Variants in KIF3B observed in about 807,000 individuals in gnomAD.
KIF3B encodes kinesin-like protein KIF3B.
Under a neutral mutation model 74.3 loss-of-function variants are expected in KIF3B, and 38 were observed. That is an observed-to-expected ratio of 0.51 (90% confidence interval 0.39 to 0.67). The LOEUF is 0.67. KIF3B is among the 30% of genes least tolerant of loss of function. KIF3B has a pLI of 0.00. For synonymous variants in KIF3B, 326 were observed against 342.5 expected, an observed-to-expected ratio of 0.95 and a Z score of 0.53; for missense variants, 649 against 932.0, an observed-to-expected ratio of 0.70 and a Z score of 3.95.
rs201454349 is a variant in KIF3B at position 32,299,370 on chromosome 20, G to GGT, written c.-65-10334_-65-10333dup. ...TCCTTATAACTTGTAACTACTGAAT[G>GGT]GTGTGTGTGTATATATATATATATA... is the stretch of plus-strand genomic sequence containing the variant. On this transcript the variant is annotated intron_variant, in intron 1 of 8. Coordinates refer to ENST00000375712, the MANE Select transcript of KIF3B (RefSeq NM_004798.4). Among the ~76,000 whole-genome samples, 501 of 79,800 alleles carry GGT rather than the reference G, an allele frequency of 6.3e-3. 45 individuals carry two copies. The highest frequency in any genetic ancestry group is 0.021 in the African/African-American group (360 of 17,434). The allele number at this position is 79,800 out of a possible 152,430, so 52.4% of individuals were successfully genotyped here. A position where few individuals can be genotyped will look rare whatever the true frequency, so the allele number is the denominator to read the frequency against.
chr20:32,294,979 A>C (rs1007711770), intron 1 of KIF3B, among the ~76,000 whole-genome samples: 1 of 152,210 alleles, frequency 6.6e-6, no homozygotes, highest in Non-Finnish European at 1.5e-5. Context: ...GCCATAATCT[A>C]ACCACTCCCT....
intron 1 of KIF3B, among the ~76,000 whole-genome samples, chr20:32,286,024 G>A (rs569063755): frequency 2.0e-5 from 3 of 152,150 alleles, no homozygotes; most frequent in African/African-American, 7.2e-5. Flanking sequence ...CTCATAATTT[G>A]CATTAGAGAG....
chr20:32,309,600 T>C, intron 1 of KIF3B, 113 bp from the exon 2 acceptor site: 1 of 652,320 alleles, frequency 1.5e-6, no homozygotes, highest in Non-Finnish European at 2.6e-6. Flanking sequence ...AGTAAAGTTA[T>C]CAGATATGGC....
chr20:32,287,504 T>G (rs1338121346), intron 1 of KIF3B, among the ~76,000 whole-genome samples: 1 of 151,818 alleles, frequency 6.6e-6, no homozygotes, highest in African/African-American at 2.4e-5. Flanking sequence ...AAATTTTTCA[T>G]GGAGGCAGGA....
At chr20:32,326,681 T>C in intron 5 of KIF3B, 90 bp from the exon 6 acceptor site, 1 of 678,500 alleles carries the variant, frequency 1.5e-6, no homozygotes, top group Non-Finnish European at 2.7e-6. Context: ...CCTTGACTCT[T>C]ACCTGATTAC....
intron 1 of KIF3B, among the ~76,000 whole-genome samples, chr20:32,279,467 CTTTT>C (rs769199761): frequency 7.2e-6 from 1 of 139,832 alleles, no homozygotes. Flanking sequence ...TAGTTGGAAT[CTTTT>C]TTTTTTTTTT....
chr20:32,304,618 CTG>C (rs2047760352), intron 1 of KIF3B, among the ~76,000 whole-genome samples: 1 of 152,030 alleles, frequency 6.6e-6, no homozygotes, highest in Admixed American at 6.6e-5. Context: ...TAAAGCAGCT[CTG>C]TATTTACCGA....
chr20:32,290,685 A>C (rs563884382), intron 1 of KIF3B, among the ~76,000 whole-genome samples: 1 of 152,236 alleles, frequency 6.6e-6, no homozygotes, highest in South Asian at 2.1e-4. Context: ...AGCCTGGGCA[A>C]TATAGTGAGA....
Position 32,332,149 on chromosome 20 carries a change from A to C in KIF3B, c.*830A>C, listed in dbSNP as rs2047933712. 6.5e-6 allele frequency: 1 copy of C among 152,706 alleles called. No homozygotes were observed. The allele number at this position is 152,706 out of a possible 1,614,324, so 9.5% of individuals were successfully genotyped here. On this transcript the variant is annotated 3_prime_UTR_variant, in exon 9 of 9. Coordinates refer to ENST00000375712, the MANE Select transcript of KIF3B (RefSeq NM_004798.4). ...TGTCACCATCTTTTCCCATGCACGC[A>C]TACTCTGAACATCCTTGTGTGGGCC...
rs1258243818 is a variant in KIF3B at position 32,310,034 on chromosome 20, A to G, written c.257A>G (p.Gln86Arg). The G allele has an allele frequency of 1.2e-6, 2 of 1,614,184 alleles. No individual in the cohort carries two copies. Among genetic ancestry groups the G allele is most frequent in the South Asian group, 2.2e-5 (2 of 91,080 alleles). The change falls in exon 2 of 9, where the codon CAA becomes CGA. Residue 86 changes from glutamine to arginine, a missense_variant. Coordinates refer to ENST00000375712, the MANE Select transcript of KIF3B (RefSeq NM_004798.4). This position sits in a 1 kb window ranked among gnomAD's most constrained non-coding sequence, Gnocchi z 6.5. ...TFRPLVDSVL[Q>R]GFNGTIFAYG... is the part of the protein sequence containing the mutation. ...CGACCACTTGTTGACTCTGTCCTGC[A>G]AGGTTTCAATGGAACCATTTTTGCC...
rs1446937184 is a variant in KIF3B at position 32,331,328 on chromosome 20, TCTC to T, written c.*13_*15del. ...GGCTGGTTCCAAAGTAAAGCCAGCTTCTCCTCTCCCAGGGCGGAAACAGCATTT... is the reference window on the plus strand; with the variant it reads ...GGCTGGTTCCAAAGTAAAGCCAGCTTCTCTCCCAGGGCGGAAACAGCATTT... On this transcript the variant is annotated 3_prime_UTR_variant, in exon 9 of 9. Transcript: ENST00000375712. 6.3e-7 allele frequency: 1 copy of T among 1,598,782 alleles called. No individual in the cohort carries two copies. Among genetic ancestry groups the T allele is most frequent in the East Asian group, 2.2e-5 (1 of 44,674 alleles).
intron 1 of KIF3B, among the ~76,000 whole-genome samples, chr20:32,289,865 C>T (rs79391303): frequency 6.6e-6 from 1 of 152,122 alleles, no homozygotes; most frequent in Non-Finnish European, 1.5e-5. Flanking sequence ...GACCTGGTTT[C>T]AGCTTGCTTT....
chr20:32,324,246 C>A (rs1244244126), intron 5 of KIF3B, among the ~76,000 whole-genome samples: 12 of 152,096 alleles, frequency 7.9e-5, no homozygotes, highest in African/African-American at 2.9e-4. Context: ...GGGTTCCCAA[C>A]CTTGGCTACA....
At chr20:32,291,226 A>G (rs1176699663) in intron 1 of KIF3B, among the ~76,000 whole-genome samples, 12 of 152,192 alleles carry the variant, frequency 7.9e-5, no homozygotes, top group Admixed American at 7.9e-4. Flanking sequence ...TACACTTAAA[A>G]TGATTAAGAG....
intron 2 of KIF3B, among the ~76,000 whole-genome samples, chr20:32,313,701 A>ATTTTGTTTTG (rs11472947): frequency 9.4e-4 from 142 of 150,744 alleles, no homozygotes; most frequent in Admixed American, 4.1e-3. Context: ...CTGTGCCCAT[A>ATTTTGTTTTG]TTTTGTTTTG....
At chr20:32,285,099 C>CAA (rs11480924) in intron 1 of KIF3B, among the ~76,000 whole-genome samples, 1,699 of 102,402 alleles carry the variant, frequency 0.017, 27 homozygotes, top group East Asian at 0.063. Flanking sequence ...AAATGATGAC[C>CAA]AAAAAAAAAA....
At chr20:32,284,873 A>C (rs375792818) in intron 1 of KIF3B, among the ~76,000 whole-genome samples, 1 of 152,220 alleles carries the variant, frequency 6.6e-6, no homozygotes, top group African/African-American at 2.4e-5. Context: ...TGTTTCATTT[A>C]GATTTAGACC....
chr20:32,313,152 G>C (rs926731390), intron 2 of KIF3B, among the ~76,000 whole-genome samples: 18 of 152,032 alleles, frequency 1.2e-4, no homozygotes, highest in African/African-American at 4.3e-4. Flanking sequence ...GAGTGCTGAG[G>C]CTCCCATTGT....
chr20:32,322,594 C>A (rs1239003357), intron 5 of KIF3B, among the ~76,000 whole-genome samples: 1 of 129,412 alleles, frequency 7.7e-6, no homozygotes, highest in African/African-American at 3.0e-5. Context: ...GGCGACAGAG[C>A]GAGAATCCGT....
Sources: allele counts gnomAD v4.1 joint callset (sites outside exome capture counted in the v4.1 genomes callset), GRCh38; gene constraint gnomAD v4.1.1; non-coding constraint Gnocchi (gnomAD v3.1); transcripts MANE v1.5; gene names NCBI Gene and HGNC (gene_info 2026-07-23, HGNC 2026-07-21).